Variants in CAMKMT observed in about 807,000 individuals in gnomAD.
The protein encoded by CAMKMT is calmodulin-lysine N-methyltransferase.
CAMKMT carries 53 observed loss-of-function variants against 48.0 expected under a neutral mutation model. That is an observed-to-expected ratio of 1.10 (90% confidence interval 0.89 to 1.39). CAMKMT has a LOEUF of 1.39. Ranked by LOEUF, CAMKMT falls within the 40% of genes most tolerant of loss-of-function variation. The pLI, the probability that CAMKMT is intolerant of heterozygous loss-of-function variation, is 0.00. For missense variants in CAMKMT, 428 were observed against 402.7 expected (o/e 1.06, Z -0.54); for synonymous variants, 165 against 152.3 (o/e 1.08, Z -0.61).
At chr2:44,585,189 A>G (rs1274511745) in intron 3 of CAMKMT, among the ~76,000 whole-genome samples, 2 of 152,256 alleles carry the variant, frequency 1.3e-5, no homozygotes, top group Admixed American at 1.3e-4. Context: ...ATTCTGCACT[A>G]GATGAAATCA....
At chr2:44,495,606 T>A (rs1304988296) in intron 3 of CAMKMT, among the ~76,000 whole-genome samples, 1 of 152,234 alleles carries the variant, frequency 6.6e-6, no homozygotes, top group East Asian at 1.9e-4. Context: ...TTTTGTAGTG[T>A]TAATGTTAAT....
At chr2:44,757,965 CA>C (rs887543886) in intron 9 of CAMKMT, among the ~76,000 whole-genome samples, 2 of 152,162 alleles carry the variant, frequency 1.3e-5, no homozygotes, top group African/African-American at 4.8e-5. Context: ...AATTTCTGCA[CA>C]TAATTGGCAC....
Position 44,758,223 on chromosome 2 carries a change from G to T in CAMKMT, c.762+4105G>T, listed in dbSNP as rs187681943. Among the ~76,000 whole-genome samples the T allele has an allele frequency of 1.7e-3, 260 of 152,330 alleles. 2 individuals carry two copies. The highest frequency in any genetic ancestry group is 3.2e-4 in the Non-Finnish European group (22 of 68,028). On this transcript the variant is annotated intron_variant, in intron 9 of 10. Transcript: ENST00000378494. ...GATTTCTACCTTGAGCAAATCAGTTGTCTGGAGTCAGAGGGTCCAGAAGCA... is the reference window on the plus strand; with the variant it reads ...GATTTCTACCTTGAGCAAATCAGTTTTCTGGAGTCAGAGGGTCCAGAAGCA...
At chr2:44,631,342 A>G (rs1381810196) in intron 3 of CAMKMT, 1 of 320,118 alleles carries the variant, frequency 3.1e-6, no homozygotes, top group Non-Finnish European at 5.5e-6. Flanking sequence ...TCACATGTAT[A>G]CATATGTAAC....
At position 44,587,921 on chromosome 2, in the gene CAMKMT, G is replaced by C. The variant is rs560325517; in HGVS notation, c.377-116362G>C. Among the ~76,000 whole-genome samples, 13 of 103,406 alleles carry C rather than the reference G, an allele frequency of 1.3e-4. No individual in the cohort carries two copies. The Admixed American group carries it at 1.3e-3, about 10-fold the overall frequency. 67.8% of individuals were successfully genotyped at this position (103,406 alleles called of 152,430 possible). ...CCACCCCGTCTGGGAAGTGAGGAGC[G>C]TCTCTGCCTGGTCCCCCATCGTCTG... On this transcript the variant is annotated intron_variant, in intron 3 of 10. Coordinates refer to ENST00000378494, the MANE Select transcript of CAMKMT (RefSeq NM_024766.5).
chr2:44,473,937 A>G (rs924887866), intron 3 of CAMKMT, among the ~76,000 whole-genome samples: 1 of 152,184 alleles, frequency 6.6e-6, no homozygotes, highest in South Asian at 2.1e-4. Context: ...TTTAGAGATT[A>G]CCCATGAGGC....
intron 3 of CAMKMT, among the ~76,000 whole-genome samples, chr2:44,557,980 G>A (rs943614704): frequency 2.6e-5 from 4 of 152,086 alleles, no homozygotes; most frequent in Non-Finnish European, 5.9e-5. Context: ...TACATAATGA[G>A]TTTCACCCAG....
At chr2:44,510,882 C>T (rs1415653501) in intron 3 of CAMKMT, among the ~76,000 whole-genome samples, 1 of 152,008 alleles carries the variant, frequency 6.6e-6, no homozygotes, top group Non-Finnish European at 1.5e-5. Flanking sequence ...GCTGTGTTGC[C>T]CAGGCTGGAG....
intron 3 of CAMKMT, among the ~76,000 whole-genome samples, chr2:44,571,534 G>C (rs1263065116): frequency 6.6e-6 from 1 of 152,162 alleles, no homozygotes; most frequent in African/African-American, 2.4e-5. Flanking sequence ...GCAATCCTGT[G>C]TATTCTCTTA....
intron 3 of CAMKMT, among the ~76,000 whole-genome samples, chr2:44,560,172 T>A (rs555457418): frequency 6.2e-4 from 94 of 152,346 alleles, no homozygotes; most frequent in African/African-American, 2.2e-3. Flanking sequence ...AAAATTGACA[T>A]CCATCAACTG....
chr2:44,383,662 A>C (rs866384906), intron 2 of CAMKMT, among the ~76,000 whole-genome samples: 12 of 152,180 alleles, frequency 7.9e-5, no homozygotes, highest in Middle Eastern at 6.8e-3. Context: ...CCCAAAGTCC[A>C]TTGTATCATT....
At chr2:44,716,652 G>A (rs1290638101) in intron 7 of CAMKMT, among the ~76,000 whole-genome samples, 1 of 152,166 alleles carries the variant, frequency 6.6e-6, no homozygotes, top group Non-Finnish European at 1.5e-5. Context: ...TACCTGTGGG[G>A]TCCTCATTGT....
intron 3 of CAMKMT, among the ~76,000 whole-genome samples, chr2:44,503,630 G>GA (rs986842346): frequency 1.3e-5 from 2 of 152,026 alleles, no homozygotes; most frequent in Non-Finnish European, 2.9e-5. Flanking sequence ...AGCAAACTGA[G>GA]AAAAAGAGGA....
At chr2:44,568,958 A>G (rs566810108) in intron 3 of CAMKMT, among the ~76,000 whole-genome samples, 1 of 152,290 alleles carries the variant, frequency 6.6e-6, no homozygotes, top group South Asian at 2.1e-4. Flanking sequence ...CTTAGAAGCA[A>G]TGGTGGTGGT....
intron 3 of CAMKMT, among the ~76,000 whole-genome samples, chr2:44,393,140 T>G (rs1371829173): frequency 3.3e-5 from 5 of 152,198 alleles, no homozygotes; most frequent in African/African-American, 4.8e-5. Context: ...TTTTCAGAGA[T>G]GAAAGGATCA....
chr2:44,581,854 C>A (rs1167396657), intron 3 of CAMKMT, among the ~76,000 whole-genome samples: 1 of 152,188 alleles, frequency 6.6e-6, no homozygotes, highest in East Asian at 1.9e-4. Flanking sequence ...CACATATTAG[C>A]CAGGCGTGGT....
intron 1 of CAMKMT, among the ~76,000 whole-genome samples, chr2:44,363,384 C>CT (rs1042171727): frequency 4.0e-5 from 6 of 150,504 alleles, no homozygotes; most frequent in South Asian, 2.1e-4. Context: ...TTCCCCCCTC[C>CT]TTTTTTTTTG....
chr2:44,561,273 T>C (rs1417692906), intron 3 of CAMKMT, among the ~76,000 whole-genome samples: 1 of 152,228 alleles, frequency 6.6e-6, no homozygotes, highest in African/African-American at 2.4e-5. Flanking sequence ...CATGGTTTTG[T>C]ATCTAGACTT....
intron 3 of CAMKMT, among the ~76,000 whole-genome samples, chr2:44,572,226 T>C (rs1035895786): frequency 3.9e-5 from 6 of 152,188 alleles, no homozygotes; most frequent in African/African-American, 1.4e-4. Context: ...TTTAATTCTT[T>C]TGTAGAGACA....
Sources: gnomAD v4.1 joint callset for allele counts (sites outside exome capture counted in the v4.1 genomes callset) on GRCh38, gnomAD v4.1.1 for gene constraint, MANE v1.5 for transcripts, NCBI Gene and HGNC (gene_info 2026-07-23, HGNC 2026-07-21) for gene names.